CSTPP1: variants seen among roughly 807,000 people sequenced by gnomAD.
The protein encoded by CSTPP1 is centriolar satellite-associated tubulin polyglutamylase complex regulator 1.
chr11:47,016,999 C>T, the CSTPP1 span, among the ~76,000 whole-genome samples: 10 of 150,054 alleles, frequency 6.7e-5, no homozygotes, highest in East Asian at 1.6e-3. Context: ...CCCACCACCA[C>T]GCCTGGCTAA....
At chr11:47,065,121 C>A in the CSTPP1 span, among the ~76,000 whole-genome samples, 4 of 151,988 alleles carry the variant, frequency 2.6e-5, no homozygotes, top group Non-Finnish European at 4.4e-5. Context: ...ATTCTTGGTC[C>A]TTTTAAAGAT....
the CSTPP1 span, among the ~76,000 whole-genome samples, chr11:47,019,260 T>G: frequency 6.6e-6 from 1 of 152,302 alleles, no homozygotes; most frequent in South Asian, 2.1e-4. Flanking sequence ...TCTGCTCGCC[T>G]CGGCCTTACC....
At chr11:47,070,925 A>ACTTTCCCCAAACACTCCTTGTG in the CSTPP1 span, among the ~76,000 whole-genome samples, 2 of 152,068 alleles carry the variant, frequency 1.3e-5, no homozygotes, top group Non-Finnish European at 2.9e-5. Context: ...ACACAGAAAC[A>ACTTTCCCCAAACACTCCTTGTG]CTTTCCCCAA....
At chr11:47,058,559 C>T in the CSTPP1 span, among the ~76,000 whole-genome samples, 1 of 151,846 alleles carries the variant, frequency 6.6e-6, no homozygotes. Flanking sequence ...TTAAAAAGAT[C>T]CAAATGGAAT....
At chr11:46,999,205 A>G in the CSTPP1 span, among the ~76,000 whole-genome samples, 1 of 151,588 alleles carries the variant, frequency 6.6e-6, no homozygotes, top group Non-Finnish European at 1.5e-5. Flanking sequence ...AGTGGGTTTA[A>G]TAAAGCCTTA....
the CSTPP1 span, chr11:47,109,440 A>G: frequency 3.3e-5 from 5 of 152,190 alleles, no homozygotes; most frequent in South Asian, 6.2e-4. Flanking sequence ...TTCGATGTCA[A>G]ATTGGCTCAC....
chr11:47,130,674 C>G, the CSTPP1 span: 1 of 152,212 alleles, frequency 6.6e-6, no homozygotes, highest in Non-Finnish European at 1.5e-5. Flanking sequence ...ACTCCCTTCC[C>G]CCTCCTCACA....
At chr11:47,116,511 G>T in the CSTPP1 span, among the ~76,000 whole-genome samples, 1 of 151,848 alleles carries the variant, frequency 6.6e-6, no homozygotes, top group Admixed American at 6.6e-5. Context: ...TGTATTGGGG[G>T]TGCATATATA....
the CSTPP1 span, among the ~76,000 whole-genome samples, chr11:47,053,882 C>A: frequency 4.1e-4 from 62 of 151,730 alleles, no homozygotes; most frequent in African/African-American, 1.3e-3. Context: ...GAGGTTGAGG[C>A]TACAGTGAGT....
At chr11:47,077,196 G>GTTTTTTTTTTTTTTTTT in the CSTPP1 span, among the ~76,000 whole-genome samples, 1 of 135,524 alleles carries the variant, frequency 7.4e-6, no homozygotes, top group African/African-American at 2.7e-5. Context: ...GGATAAAGTT[G>GTTTTTTTTTTTTTTTTT]TTTTTTTTTT....
At chr11:46,950,487 T>G in the CSTPP1 span, among the ~76,000 whole-genome samples, 1 of 151,794 alleles carries the variant, frequency 6.6e-6, no homozygotes, top group Non-Finnish European at 1.5e-5. Flanking sequence ...GACTTTCTTT[T>G]AAATTCTAAT....
chr11:47,009,765 A>T, the CSTPP1 span, among the ~76,000 whole-genome samples: 1 of 152,034 alleles, frequency 6.6e-6, no homozygotes, highest in Non-Finnish European at 1.5e-5. Context: ...CCAAGATCGC[A>T]CTACTGCACT....
the CSTPP1 span, among the ~76,000 whole-genome samples, chr11:47,006,041 A>C: frequency 1.3e-5 from 2 of 152,172 alleles, no homozygotes; most frequent in Non-Finnish European, 2.9e-5. Flanking sequence ...ACCTTTTTAG[A>C]ATGTGTGTGA....
chr11:46,987,311 G>GT, the CSTPP1 span: 11 of 1,611,546 alleles, frequency 6.8e-6, no homozygotes, highest in South Asian at 9.9e-5. Context: ...TCACTGAATA[G>GT]TAAGTACATG....
chr11:47,033,623 C>A, the CSTPP1 span, among the ~76,000 whole-genome samples: 1 of 152,176 alleles, frequency 6.6e-6, no homozygotes, highest in Non-Finnish European at 1.5e-5. Flanking sequence ...TGTCGTAAAT[C>A]CTGTGAAGTC....
the CSTPP1 span, chr11:47,137,958 A>C: frequency 1.7e-6 from 1 of 585,440 alleles, no homozygotes; most frequent in Non-Finnish European, 3.0e-6. Context: ...CTGAAGATAG[A>C]GTTGGAGGGT....
At chr11:47,163,300 G>A in the CSTPP1 span, among the ~76,000 whole-genome samples, 11 of 151,978 alleles carry the variant, frequency 7.2e-5, no homozygotes, top group Admixed American at 3.3e-4. Flanking sequence ...GCCTACTGAC[G>A]ATGCAAATTA....
the CSTPP1 span, among the ~76,000 whole-genome samples, chr11:47,067,100 GA>G: frequency 2.0e-5 from 3 of 152,132 alleles, no homozygotes; most frequent in Admixed American, 6.5e-5. Flanking sequence ...AAAAAATTGA[GA>G]TTCATACAGA....
At chr11:47,030,081 C>A in the CSTPP1 span, among the ~76,000 whole-genome samples, 2 of 152,024 alleles carry the variant, frequency 1.3e-5, no homozygotes, top group East Asian at 3.8e-4. Context: ...GAGCTATGAT[C>A]GTACTACTGT....
Sources: allele counts gnomAD v4.1 joint callset (sites outside exome capture counted in the v4.1 genomes callset), GRCh38; gene constraint gnomAD v4.1.1; transcripts MANE v1.5; gene names NCBI Gene and HGNC (gene_info 2026-07-23, HGNC 2026-07-21).